The following AP3B1 variants were observed in gnomAD, a reference collection of about 807,000 sequenced individuals.
AP3B1 encodes adaptor related protein complex 3 subunit beta 1, also known as AP-3 complex subunit beta-1.
AP3B1 carries 61 observed loss-of-function variants against 132.5 expected under a neutral mutation model. The ratio of observed to expected loss-of-function variants is 0.46; its 90% CI spans 0.37 to 0.57. AP3B1 has a LOEUF of 0.57. AP3B1 is among the 20% of genes least tolerant of loss of function. AP3B1 has a pLI of 0.00. For missense variants in AP3B1, 1,120 were observed against 1,289.4 expected, an observed-to-expected ratio of 0.87 and a Z score of 2.01; for synonymous variants, 388 against 438.3, an observed-to-expected ratio of 0.89 and a Z score of 1.43.
At chr5:78,163,586 T>C (rs1338440398) in intron 12 of AP3B1, among the ~76,000 whole-genome samples, 1 of 145,316 alleles carries the variant, frequency 6.9e-6, no homozygotes, top group Admixed American at 6.9e-5. Flanking sequence ...TATATGTGTG[T>C]GTGTGTATAT....
Position 78,031,138 on chromosome 5 carries a change from T to G in AP3B1, c.2894+3223A>C, listed in dbSNP as rs537594971. On this transcript the variant is annotated intron_variant, in intron 24 of 26. Transcript: ENST00000255194. ...TATTCTAGTTGATTTCCTTGACCCT[T>G]TCTTCCAGAACACTCGATCAGTATT... Among the ~76,000 whole-genome samples, 8 of 152,360 alleles carry G rather than the reference T, an allele frequency of 5.3e-5. No individual in the cohort carries two copies. The East Asian group carries it at 1.5e-3, about 29-fold the overall frequency.
At chr5:78,211,593 A>G (rs1037180995) in intron 7 of AP3B1, among the ~76,000 whole-genome samples, 1 of 152,224 alleles carries the variant, frequency 6.6e-6, no homozygotes, top group African/African-American at 2.4e-5. Context: ...CCACACTTCA[A>G]GCATATTAAC....
intron 11 of AP3B1, among the ~76,000 whole-genome samples, chr5:78,165,925 G>A (rs993938850): frequency 1.3e-4 from 19 of 151,932 alleles, no homozygotes; most frequent in Non-Finnish European, 2.6e-4. Context: ...AAAATTAGCC[G>A]GGCATGGTGG....
At chr5:78,208,246 C>G (rs530697018) in intron 7 of AP3B1, among the ~76,000 whole-genome samples, 2 of 152,234 alleles carry the variant, frequency 1.3e-5, no homozygotes, top group South Asian at 4.2e-4. Flanking sequence ...GAACATATCT[C>G]CTGGGAAGAA....
intron 16 of AP3B1, 59 bp downstream of exon 16, chr5:78,129,062 C>T: frequency 7.0e-7 from 1 of 1,427,066 alleles, no homozygotes; most frequent in South Asian, 1.3e-5. Flanking sequence ...TTAGAAATGG[C>T]AACATCTTGT....
At chr5:78,260,325 G>A (rs1197639832) in intron 2 of AP3B1, among the ~76,000 whole-genome samples, 1 of 152,158 alleles carries the variant, frequency 6.6e-6, no homozygotes, top group Non-Finnish European at 1.5e-5. Context: ...GGTGGCTCAT[G>A]CCTGTATTTC....
chr5:78,012,484 GTTACCTGGAAGC>G (rs1330232079), intron 26 of AP3B1, among the ~76,000 whole-genome samples: 2 of 152,150 alleles, frequency 1.3e-5, no homozygotes. Context: ...TTAGGTGTTT[GTTACCTGGAAGC>G]TTTCTAAAAT....
chr5:78,128,238 G>C lies in AP3B1; in HGVS notation c.1838-78C>G, dbSNP rs16875172. 61,880 of 1,308,492 alleles carry C rather than the reference G, an allele frequency of 0.047. 2,865 individuals carry two copies. Among genetic ancestry groups the C allele is most frequent in the African/African-American group, 0.17 (11,511 of 67,754 alleles). The allele number at this position is 1,308,492 out of a possible 1,614,324, so 81.1% of individuals were successfully genotyped here. ...GAGAACAATCATAATCAGAGCTCAA[G>C]GTAATTGGCATATTACCTCAAATGT... On this transcript the variant is annotated intron_variant, in intron 16 of 26. Coordinates refer to ENST00000255194, the MANE Select transcript of AP3B1 (RefSeq NM_003664.5).
At chr5:78,080,001 T>C (rs1749922392) in intron 22 of AP3B1, among the ~76,000 whole-genome samples, 1 of 152,140 alleles carries the variant, frequency 6.6e-6, no homozygotes, top group Non-Finnish European at 1.5e-5. Flanking sequence ...ATGTATTCTT[T>C]TGTAATTTTC....
At chr5:78,053,698 GAAAGA>G (rs1327125827) in intron 22 of AP3B1, among the ~76,000 whole-genome samples, 1 of 98,642 alleles carries the variant, frequency 1.0e-5, no homozygotes, top group African/African-American at 3.6e-5. Context: ...AAAAAAAAAA[GAAAGA>G]AAAGAAAAGT....
intron 22 of AP3B1, among the ~76,000 whole-genome samples, chr5:78,055,103 T>C (rs994210026): frequency 2.6e-5 from 4 of 151,656 alleles, no homozygotes; most frequent in African/African-American, 4.8e-5. Context: ...TGTAAATATT[T>C]TAAAATTTTC....
intron 7 of AP3B1, among the ~76,000 whole-genome samples, chr5:78,187,317 A>G (rs1580460221): frequency 6.6e-6 from 1 of 152,274 alleles, no homozygotes; most frequent in East Asian, 1.9e-4. Flanking sequence ...TTCAAACTCT[A>G]CCTGAAAGTG....
chr5:78,018,671 A>ATCACAC (rs71965501), intron 25 of AP3B1, among the ~76,000 whole-genome samples: 3 of 146,576 alleles, frequency 2.0e-5, no homozygotes, highest in African/African-American at 7.7e-5. Context: ...AAGCTGGTGT[A>ATCACAC]ACACACACAC....
intron 25 of AP3B1, among the ~76,000 whole-genome samples, chr5:78,018,873 G>A (rs373698060): frequency 6.6e-6 from 1 of 152,146 alleles, no homozygotes; most frequent in African/African-American, 2.4e-5. Flanking sequence ...GTGTAAAGTT[G>A]AGGATTGAGA....
chr5:78,239,472 G>GAA (rs1302357220), intron 3 of AP3B1, among the ~76,000 whole-genome samples: 12 of 39,456 alleles, frequency 3.0e-4, no homozygotes, highest in African/African-American at 6.4e-4. Context: ...CCCTGTCTCA[G>GAA]AAAAAAAAAA....
chr5:78,095,900 T>A (rs1255468761), intron 21 of AP3B1, among the ~76,000 whole-genome samples: 1 of 152,198 alleles, frequency 6.6e-6, no homozygotes, highest in East Asian at 1.9e-4. Context: ...AAACACTATA[T>A]CCTATATTGA....
rs539041336 is a variant in AP3B1 at position 78,138,769 on chromosome 5, C to T, written c.1650+2374G>A. Among the ~76,000 whole-genome samples, 6 of 151,888 alleles carry T rather than the reference C, an allele frequency of 4.0e-5. No homozygotes were observed. In the East Asian group the frequency reaches 7.8e-4, roughly 20 times the overall value. The stretch of plus-strand genomic sequence containing the variant: ...AGCAGATCACTTGAGGTCAGAAGTT[C>T]GAGATCAGCCTGGCCAACACGGTGA... On this transcript the variant is annotated intron_variant, in intron 15 of 26. Transcript: ENST00000255194.
Position 78,039,165 on chromosome 5 carries a change from C to T in AP3B1, c.2687G>A (p.Gly896Asp). The change falls in exon 23 of 27, where the codon GGT becomes GAT. Residue 896 changes from glycine (G) to aspartate (D), a missense_variant. This residue lies in a region of AP3B1 where 906 missense variants were observed against 997.1 expected (regional missense o/e 0.91). Coordinates refer to ENST00000255194, the MANE Select transcript of AP3B1 (RefSeq NM_003664.5). Reference sequence around the variant, plus strand: ...TATTTGTATAGAGACCATCTTATCACCAAAAATGCAAGGCTGTCTTGGAAA... The same window carrying T: ...TATTTGTATAGAGACCATCTTATCATCAAAAATGCAAGGCTGTCTTGGAAA... The part of the protein sequence containing the change: ...YFFPRQPCIF[G>D]DKMVSIQITL... 6.2e-7 allele frequency: 1 copy of T among 1,613,814 alleles called. No individual in the cohort carries two copies. The highest frequency in any genetic ancestry group is 8.5e-7 in the Non-Finnish European group (1 of 1,179,846).
intron 22 of AP3B1, among the ~76,000 whole-genome samples, chr5:78,070,722 C>CA (rs60255463): frequency 0.016 from 2,196 of 137,890 alleles, 52 homozygotes; most frequent in African/African-American, 0.047. Flanking sequence ...AAGAAAAAAA[C>CA]AAAAAAAAAA....
Sources: gnomAD v4.1 joint callset for allele counts (sites outside exome capture counted in the v4.1 genomes callset) on GRCh38, gnomAD v4.1.1 for gene constraint, gnomAD v4.1.1 regional missense constraint, MANE v1.5 for transcripts, NCBI Gene and HGNC (gene_info 2026-07-23, HGNC 2026-07-21) for gene names.